DLGAP1: variants seen among roughly 807,000 people sequenced by gnomAD.
DLGAP1 encodes the protein DLG associated protein 1.
In DLGAP1, 11 loss-of-function variants were observed where a neutral mutation model predicts 90.8. That is an observed-to-expected ratio of 0.12 (90% CI 0.08 to 0.20). The LOEUF (loss-of-function observed/expected upper bound fraction) is 0.20, where lower values mean the gene tolerates loss of function less well. Among genes scored for constraint, DLGAP1 ranks in the 10% least tolerant of loss-of-function variants. DLGAP1 has a pLI of 1.00. For synonymous variants in DLGAP1, 558 were observed against 540.7 expected (o/e 1.03, Z -0.44); for missense variants, 1,050 against 1,333.8 (o/e 0.79, Z 3.31).
intron 1 of DLGAP1, among the ~76,000 whole-genome samples, chr18:4,353,970 C>T (rs1472385755): frequency 2.6e-5 from 4 of 152,086 alleles, no homozygotes; most frequent in South Asian, 2.1e-4. Flanking sequence ...TGTGGGTAAA[C>T]GTGTACAACT....
At chr18:3,712,788 A>C (rs2061637755) in intron 7 of DLGAP1, among the ~76,000 whole-genome samples, 1 of 152,238 alleles carries the variant, frequency 6.6e-6, no homozygotes, top group South Asian at 2.1e-4. Context: ...AAAGTGCTTA[A>C]GTTACTACTT....
chr18:4,115,917 G>C (rs2076056972), intron 2 of DLGAP1, among the ~76,000 whole-genome samples: 1 of 152,088 alleles, frequency 6.6e-6, no homozygotes, highest in Non-Finnish European at 1.5e-5. Flanking sequence ...AATCAGTTTA[G>C]AGAAGAAAGG....
At chr18:4,348,736 T>C (rs1291619327) in intron 1 of DLGAP1, among the ~76,000 whole-genome samples, 1 of 151,784 alleles carries the variant, frequency 6.6e-6, no homozygotes, top group Non-Finnish European at 1.5e-5. Context: ...GGCATCAGAG[T>C]CACCCTGAAG....
chr18:3,552,792 T>C (rs2053548615), intron 9 of DLGAP1, among the ~76,000 whole-genome samples: 1 of 152,186 alleles, frequency 6.6e-6, no homozygotes, highest in Non-Finnish European at 1.5e-5. Context: ...TCCATCTTCA[T>C]CCCCGCTTTC....
rs2052182044 is a variant in DLGAP1 at position 3,534,098 on chromosome 18, CAAGTG to C, written c.2479+91_2479+95del. 3 of 1,382,836 alleles carry C rather than the reference CAAGTG, an allele frequency of 2.2e-6. No homozygotes were observed. The African/African-American group carries it at 4.3e-5, about 20-fold the overall frequency. The allele number at this position is 1,382,836 out of a possible 1,614,324, so 85.7% of individuals were successfully genotyped here. A position where few individuals can be genotyped will look rare whatever the true frequency, so the allele number is the denominator to read the frequency against. The stretch of plus-strand genomic sequence containing the variant: ...TGGGGTGTGGAACGTCAAGGTTATA[CAAGTG>C]AAGCTGGCAGAGAAGAAAACAACAA... On this transcript the variant is annotated intron_variant, in intron 10 of 12. Coordinates refer to ENST00000315677, the MANE Select transcript of DLGAP1 (RefSeq NM_004746.4).
intron 3 of DLGAP1, chr18:3,962,376 G>A (rs1469446510): frequency 6.6e-6 from 1 of 152,098 alleles, no homozygotes. Flanking sequence ...ATGACTGCTG[G>A]TGTGTAGAAT....
rs568063980 is a variant in DLGAP1, at chr18:3,736,138, G to C, written c.1350+6197C>G. 2.0e-5 allele frequency among the ~76,000 whole-genome samples: 3 copies of C among 152,236 alleles called. No individual in the cohort carries two copies. The South Asian group carries it at 6.2e-4, about 32-fold the overall frequency. ...GAGAAAATATGTCTGCGGGCTTCTA[G>C]TTTGCCATTCCAGATGAAAATACCT... On this transcript the variant is annotated intron_variant, in intron 6 of 12. Coordinates refer to ENST00000315677, the MANE Select transcript of DLGAP1 (RefSeq NM_004746.4).
intron 11 of DLGAP1, among the ~76,000 whole-genome samples, chr18:3,507,115 T>C (rs1213674145): frequency 6.6e-6 from 1 of 152,076 alleles, no homozygotes; most frequent in Non-Finnish European, 1.5e-5. Context: ...TTCCATACTT[T>C]ATATTTTCTC....
At chr18:3,920,652 G>A (rs1005375997) in intron 3 of DLGAP1, among the ~76,000 whole-genome samples, 19 of 152,058 alleles carry the variant, frequency 1.2e-4, no homozygotes, top group African/African-American at 3.6e-4. Context: ...CAGTTAGGGC[G>A]AAACTCTCTC....
chr18:3,519,305 G>T (rs1438572989), intron 10 of DLGAP1, among the ~76,000 whole-genome samples: 1 of 152,148 alleles, frequency 6.6e-6, no homozygotes, highest in African/African-American at 2.4e-5. Context: ...TAGTCCCATC[G>T]TATTTTCCAG....
At chr18:4,333,077 T>C (rs557874683) in intron 1 of DLGAP1, among the ~76,000 whole-genome samples, 56 of 151,978 alleles carry the variant, frequency 3.7e-4, no homozygotes, top group Non-Finnish European at 6.9e-4. Flanking sequence ...CAGTTAACCA[T>C]TGATGTTTAA....
At chr18:3,918,204 T>A (rs2148906374) in intron 3 of DLGAP1, among the ~76,000 whole-genome samples, 1 of 152,340 alleles carries the variant, frequency 6.6e-6, no homozygotes, top group East Asian at 1.9e-4. Flanking sequence ...CCATACCTGT[T>A]ATTACTGGGC....
intron 7 of DLGAP1, among the ~76,000 whole-genome samples, chr18:3,605,135 C>G (rs2057269463): frequency 6.6e-6 from 1 of 152,192 alleles, no homozygotes; most frequent in South Asian, 2.1e-4. Context: ...CTTTTCAGGT[C>G]TCAGAATTCT....
At chr18:3,955,571 G>A (rs536207956) in intron 3 of DLGAP1, among the ~76,000 whole-genome samples, 142 of 152,188 alleles carry the variant, frequency 9.3e-4, no homozygotes, top group African/African-American at 3.3e-3. Flanking sequence ...AAAATCAGCC[G>A]GATGTGGTGG....
intron 1 of DLGAP1, among the ~76,000 whole-genome samples, chr18:4,178,898 A>G (rs1444387064): frequency 6.6e-6 from 1 of 152,168 alleles, no homozygotes; most frequent in Non-Finnish European, 1.5e-5. Context: ...ACTGAAAATG[A>G]TTACATATAT....
chr18:3,808,683 C>T (rs1221627163), intron 5 of DLGAP1, among the ~76,000 whole-genome samples: 3 of 152,114 alleles, frequency 2.0e-5, no homozygotes, highest in African/African-American at 7.2e-5. Context: ...CAATCTTCAT[C>T]CCATCCCCCT....
chr18:3,562,665 C>T (rs2054204699), intron 9 of DLGAP1, among the ~76,000 whole-genome samples: 3 of 150,846 alleles, frequency 2.0e-5, no homozygotes, highest in Admixed American at 2.0e-4. Flanking sequence ...CTGCCTCAGC[C>T]TCCCAAGTAG....
intron 7 of DLGAP1, among the ~76,000 whole-genome samples, chr18:3,671,223 TC>T (rs1272311188): frequency 6.6e-6 from 1 of 151,618 alleles, no homozygotes; most frequent in Non-Finnish European, 1.5e-5. Context: ...AAGTCAGACT[TC>T]CTTGAGGAAG....
chr18:3,977,754 C>A (rs2073626430), intron 3 of DLGAP1: 1 of 354,406 alleles, frequency 2.8e-6, no homozygotes, highest in South Asian at 2.5e-5. Flanking sequence ...GGGCAATGCC[C>A]ACCCCAGCTT....
Sources: gnomAD v4.1 joint callset for allele counts (sites outside exome capture counted in the v4.1 genomes callset) on GRCh38, gnomAD v4.1.1 for gene constraint, MANE v1.5 for transcripts, NCBI Gene and HGNC (gene_info 2026-07-23, HGNC 2026-07-21) for gene names.